The following MED12L variants were observed in gnomAD, a reference collection of about 807,000 sequenced individuals.
MED12L encodes the protein mediator complex subunit 12L.
A neutral mutation model predicts 281.3 loss-of-function variants in MED12L; 60 were observed. The ratio of observed to expected loss-of-function variants is 0.21; its 90% confidence interval spans 0.17 to 0.26. The LOEUF (loss-of-function observed/expected upper bound fraction) is 0.26, where lower values mean the gene tolerates loss of function less well. MED12L is among the 10% of genes least tolerant of loss of function. The pLI is 1.00. For missense variants in MED12L, 2,146 were observed against 2,680.9 expected, an observed-to-expected ratio of 0.80 and a Z score of 4.41; for synonymous variants, 974 against 987.2, an observed-to-expected ratio of 0.99 and a Z score of 0.25.
chr3:151,350,600 C>T (rs2150021383), intron 17 of MED12L, among the ~76,000 whole-genome samples: 1 of 152,122 alleles, frequency 6.6e-6, no homozygotes, highest in South Asian at 2.1e-4. Context: ...ATTTTCCAAG[C>T]TTGTGGTTAG....
chr3:151,328,733 G>A, intron 16 of MED12L: 1 of 1,613,978 alleles, frequency 6.2e-7, no homozygotes, highest in East Asian at 2.2e-5. Flanking sequence ...GAGCTGCCAG[G>A]GTGCCAGGTG....
In MED12L at chr3:151,355,999, C is replaced by G. The variant is rs1449621493; in HGVS notation, c.2621C>G (p.Pro874Arg). 2 of 1,613,880 alleles carry G rather than the reference C, an allele frequency of 1.2e-6. No homozygotes were observed. Among genetic ancestry groups the G allele is most frequent in the Admixed American group, 1.7e-5 (1 of 59,908 alleles). ...HIQLIFDLME[P>R]ALNINGLIDF... ...CAGCTCATCTTTGATCTCATGGAGC[C>G]AGCACTGAACATCAACGGACTAATT... The change falls in exon 19 of 45, where the codon CCA becomes CGA. Residue 874 changes from proline (P) to arginine (R), a missense_variant. Physicochemically the swap from Pro to Arg is moderately radical, Grantham distance 103. Around this residue, in one of 9 missense-constraint regions of MED12L, gnomAD observed 404 missense variants for 603.5 expected, o/e 0.67. Coordinates refer to ENST00000687756, the MANE Select transcript of MED12L (RefSeq NM_001393769.1).
Position 151,193,569 on chromosome 3 carries a change from A to G in MED12L, c.2153A>G (p.Lys718Arg). The G allele has an allele frequency of 6.2e-7, 1 of 1,614,074 alleles. No homozygotes were observed. Among genetic ancestry groups the G allele is most frequent in the Non-Finnish European group, 8.5e-7 (1 of 1,179,936 alleles). Reference sequence around the variant, plus strand: ...AGAAGAATGTCAGTTAATTGTGAGAAGTTGGTGAAGAGGGAAAAGCCAAGG... The same window carrying G: ...AGAAGAATGTCAGTTAATTGTGAGAGGTTGGTGAAGAGGGAAAAGCCAAGG... ...LGRRMSVNCE[K>R]LVKREKPREL... is the part of the protein sequence containing the mutation. Residue 718 changes from lysine to arginine, a missense_variant, in exon 16 of 45, where the codon AAG (lysine) becomes AGG (arginine). Around this residue, in one of 9 missense-constraint regions of MED12L, gnomAD observed 722 missense variants for 861.2 expected, o/e 0.84. Transcript: ENST00000687756.
At chr3:151,335,206 G>T (rs1750825182) in intron 16 of MED12L, among the ~76,000 whole-genome samples, 1 of 151,978 alleles carries the variant, frequency 6.6e-6, no homozygotes. Flanking sequence ...ATTGTGCTAT[G>T]GAACACTAGA....
chr3:151,247,529 G>A (rs1258708740), intron 16 of MED12L, among the ~76,000 whole-genome samples: 6 of 149,336 alleles, frequency 4.0e-5, no homozygotes, highest in African/African-American at 1.2e-4. Context: ...ACCAAACACT[G>A]CATATTCTCA....
At chr3:151,304,204 A>T (rs1017591565) in intron 16 of MED12L, among the ~76,000 whole-genome samples, 4 of 152,154 alleles carry the variant, frequency 2.6e-5, no homozygotes, top group Admixed American at 6.5e-5. Flanking sequence ...CAGAAAGGAG[A>T]CAGAGAAGGT....
chr3:151,412,031 A>G (rs1716996754), intron 41 of MED12L, among the ~76,000 whole-genome samples: 1 of 152,186 alleles, frequency 6.6e-6, no homozygotes, highest in African/African-American at 2.4e-5. Flanking sequence ...GTTTAATTAG[A>G]TCCCTTAGAG....
intron 16 of MED12L, among the ~76,000 whole-genome samples, chr3:151,339,519 G>A (rs1040130863): frequency 2.0e-5 from 3 of 151,480 alleles, no homozygotes; most frequent in Admixed American, 6.6e-5. Flanking sequence ...TTGGCCTCAC[G>A]GAGATTCATT....
chr3:151,186,567 T>A lies in MED12L; in HGVS notation c.1626+1106T>A, dbSNP rs191499038. On this transcript the variant is annotated intron_variant, in intron 12 of 44. Coordinates refer to ENST00000687756, the MANE Select transcript of MED12L (RefSeq NM_001393769.1). ...CACCTTGAGGCCTCTGCTCTTGTTG[T>A]TCCTTCTAGGTTGCAGACTGTTCCC... 5.1e-3 allele frequency among the ~76,000 whole-genome samples: 776 copies of A among 152,282 alleles called. 3 individuals are homozygous for A. Among genetic ancestry groups the A allele is most frequent in the Non-Finnish European group, 6.1e-3 (415 of 68,014 alleles).
chr3:151,236,066 C>G (rs1732714496), intron 16 of MED12L, among the ~76,000 whole-genome samples: 1 of 152,298 alleles, frequency 6.6e-6, no homozygotes, highest in Middle Eastern at 3.4e-3. Flanking sequence ...CCTATTCTTA[C>G]ATACAGCCCT....
chr3:151,267,127 GTTTAT>G (rs1577179664), intron 16 of MED12L, among the ~76,000 whole-genome samples: 1 of 152,296 alleles, frequency 6.6e-6, no homozygotes, highest in East Asian at 1.9e-4. Flanking sequence ...TTGAAGTGAA[GTTTAT>G]TTTGACTGTT....
At chr3:151,204,071 G>A (rs1222694222) in intron 16 of MED12L, among the ~76,000 whole-genome samples, 5 of 152,172 alleles carry the variant, frequency 3.3e-5, no homozygotes, top group Non-Finnish European at 7.4e-5. Flanking sequence ...CATGCTGGGG[G>A]ACCTAACAAA....
At chr3:151,209,577 A>C (rs561201070) in intron 16 of MED12L, among the ~76,000 whole-genome samples, 1 of 152,150 alleles carries the variant, frequency 6.6e-6, no homozygotes, top group African/African-American at 2.4e-5. Flanking sequence ...CAAACACACA[A>C]ACCCTCACAG....
intron 28 of MED12L, 145 bp from the exon 29 acceptor site, chr3:151,376,655 A>C: frequency 1.5e-6 from 1 of 679,474 alleles, no homozygotes; most frequent in Non-Finnish European, 2.5e-6. Flanking sequence ...ATATGCAGCA[A>C]GATTGGGAAC....
chr3:151,133,631 G>A (rs938848104), intron 5 of MED12L, among the ~76,000 whole-genome samples: 1 of 151,924 alleles, frequency 6.6e-6, no homozygotes, highest in African/African-American at 2.4e-5. Flanking sequence ...AGGTGGACAC[G>A]ATGTTTAGAA....
intron 17 of MED12L, among the ~76,000 whole-genome samples, chr3:151,352,517 T>A (rs1391127057): frequency 6.6e-6 from 1 of 152,208 alleles, no homozygotes; most frequent in Non-Finnish European, 1.5e-5. Context: ...TAGCTAACTG[T>A]ACTTCATATT....
chr3:151,269,782 A>G (rs73023035), intron 16 of MED12L: 10,744 of 419,872 alleles, frequency 0.026, 1,013 homozygotes, highest in African/African-American at 0.2. Flanking sequence ...TTTAGAGTCC[A>G]CTGAAGTCAA....
intron 5 of MED12L, among the ~76,000 whole-genome samples, chr3:151,137,510 C>T (rs1222550735): frequency 6.6e-6 from 1 of 152,178 alleles, no homozygotes; most frequent in African/African-American, 2.4e-5. Flanking sequence ...TAAAGGTGCT[C>T]ATTGCTACTG....
chr3:151,309,161 C>T (rs759939828), intron 16 of MED12L, among the ~76,000 whole-genome samples: 4 of 138,884 alleles, frequency 2.9e-5, no homozygotes, highest in Non-Finnish European at 4.6e-5. Flanking sequence ...ACACACACAA[C>T]GTTTCTTCAA....
Sources: allele counts gnomAD v4.1 joint callset (sites outside exome capture counted in the v4.1 genomes callset), GRCh38; gene constraint gnomAD v4.1.1; regional missense constraint gnomAD v4.1.1; transcripts MANE v1.5; gene names NCBI Gene and HGNC (gene_info 2026-07-23, HGNC 2026-07-21).